Variants in GPM6B observed in about 807,000 individuals in gnomAD.
GPM6B encodes the protein glycoprotein M6B, also known as neuronal membrane glycoprotein M6-b.
GPM6B carries 4 observed loss-of-function variants against 27.2 expected under a neutral mutation model. That is an observed-to-expected ratio of 0.15 (90% confidence interval 0.07 to 0.34). GPM6B has a LOEUF of 0.34. Among genes scored for constraint, GPM6B ranks in the 10% least tolerant of loss-of-function variants. GPM6B has a pLI of 1.00. For synonymous variants in GPM6B, 124 were observed against 103.1 expected (o/e 1.20, Z -1.23); for missense variants, 183 against 261.9 (o/e 0.70, Z 2.08).
upstream of GPM6B, among the ~76,000 whole-genome samples, chrX:13,819,981 G>C (rs72614519): frequency 9.0e-6 from 1 of 111,715 alleles, no homozygotes; most frequent in South Asian, 3.7e-4. Context: ...AGAGGGTACT[G>C]TCAAAGGGTC....
chrX:13,842,949 A>G (rs1300108830), intron 1 of GPM6B, among the ~76,000 whole-genome samples: 1 of 111,391 alleles, frequency 9.0e-6, no homozygotes, highest in Non-Finnish European at 1.9e-5. Flanking sequence ...ATACCATACA[A>G]TTCACCATTT....
intron 1 of GPM6B, among the ~76,000 whole-genome samples, chrX:13,910,590 G>A (rs191982758): frequency 5.3e-5 from 6 of 113,051 alleles, no homozygotes; most frequent in East Asian, 2.8e-4. Context: ...GATTTACTTC[G>A]TCCTACAATC....
chrX:13,926,417 C>A (rs770692055), intron 1 of GPM6B, among the ~76,000 whole-genome samples: 318 of 17,417 alleles, frequency 0.018, 1 homozygote, highest in African/African-American at 0.068. Flanking sequence ...CTCAAAAAAA[C>A]AAACAAACAA....
intron 2 of GPM6B, among the ~76,000 whole-genome samples, chrX:13,786,354 CCG>C (rs1413467789): frequency 9.1e-4 from 102 of 112,087 alleles, no homozygotes; most frequent in Admixed American, 1.4e-3. Context: ...AGCAATTATG[CCG>C]TCGCCAGGTT....
intron 1 of GPM6B, 128 bp downstream of exon 1, chrX:13,816,716 T>C: frequency 1.2e-6 from 1 of 824,389 alleles, no homozygotes. Context: ...AAATCAACCC[T>C]GAAAGCAAGA....
At chrX:13,817,435 G>GC (rs2049258571), upstream of GPM6B, 1 of 616,323 alleles carries the variant, frequency 1.6e-6, no homozygotes, top group Non-Finnish European at 1.9e-6. Context: ...AAAGAAAAGA[G>GC]CCCCCTCCCA....
At chrX:13,779,198 T>G (rs2048470657) in intron 5 of GPM6B, among the ~76,000 whole-genome samples, 1 of 111,966 alleles carries the variant, frequency 8.9e-6, no homozygotes, top group Non-Finnish European at 1.9e-5. Flanking sequence ...AGTGGTCTCT[T>G]CTGGGGTTTG....
intron 2 of GPM6B, among the ~76,000 whole-genome samples, chrX:13,789,749 T>C (rs1367192194): frequency 9.2e-6 from 1 of 108,503 alleles, no homozygotes; most frequent in African/African-American, 3.3e-5. Context: ...CACTCCAGCC[T>C]GGGTGACAGA....
chrX:13,927,547 C>T (rs1337457888), intron 1 of GPM6B, among the ~76,000 whole-genome samples: 1 of 112,705 alleles, frequency 8.9e-6, no homozygotes, highest in African/African-American at 3.2e-5. Context: ...CATCCCAGGC[C>T]TTTGGGCCTT....
intron 2 of GPM6B, among the ~76,000 whole-genome samples, chrX:13,787,041 C>CAAAAAAAAAAAAAAAAAAAAA (rs869123073): frequency 1.2e-4 from 3 of 24,509 alleles, no homozygotes; most frequent in African/African-American, 2.0e-4. Flanking sequence ...ATTAAGCCAG[C>CAAAAAAAAAAAAAAAAAAAAA]AAAAAAAAAA....
intron 1 of GPM6B, among the ~76,000 whole-genome samples, chrX:13,836,747 C>T (rs770088093): frequency 2.8e-4 from 32 of 112,559 alleles, no homozygotes; most frequent in African/African-American, 9.7e-4. Flanking sequence ...GAACACACTA[C>T]GTGTGTACCT....
intron 1 of GPM6B, among the ~76,000 whole-genome samples, chrX:13,878,006 T>G (rs1428086682): frequency 9.1e-6 from 1 of 109,942 alleles, no homozygotes; most frequent in Non-Finnish European, 1.9e-5. Context: ...TTTCTTAATA[T>G]CATCCAAGAT....
At position 13,826,740 on chromosome X, in the gene GPM6B, G is replaced by GT. The variant is rs1158980391; in HGVS notation, c.-197-40933dup. Among the ~76,000 whole-genome samples, 5 of 109,210 alleles carry GT rather than the reference G, an allele frequency of 4.6e-5. No homozygotes were observed. The East Asian group carries it at 1.2e-3, about 25-fold the overall frequency. 94.8% of individuals were successfully genotyped at this position (109,210 alleles called of 115,157 possible). On this transcript the variant is annotated intron_variant, in intron 1 of 6. Coordinates refer to the GPM6B transcript ENST00000398361. ...GTGACAGAGTGAGACCCTGTTTTTT[G>GT]TTTTTTTGTTTTTTTTTTAAAGGAA...
chrX:13,823,528 T>G (rs1457926481), intron 1 of GPM6B, among the ~76,000 whole-genome samples: 1 of 108,732 alleles, frequency 9.2e-6, no homozygotes, highest in African/African-American at 3.4e-5. Flanking sequence ...TGGTTTTTTT[T>G]TTTTTTTTTT....
At chrX:13,798,257 C>T (rs1230415327) in intron 2 of GPM6B, among the ~76,000 whole-genome samples, 2 of 110,043 alleles carry the variant, frequency 1.8e-5, no homozygotes, top group East Asian at 2.9e-4. Flanking sequence ...CCACATTAAC[C>T]TGGGTGATGG....
chrX:13,777,851 C>G (rs2048442356), intron 5 of GPM6B, among the ~76,000 whole-genome samples: 1 of 111,927 alleles, frequency 8.9e-6, no homozygotes, highest in South Asian at 3.8e-4. Flanking sequence ...TGTCCAAGCT[C>G]TGTTACTGGT....
intron 1 of GPM6B, among the ~76,000 whole-genome samples, chrX:13,834,987 A>G (rs1279466185): frequency 5.4e-5 from 6 of 112,033 alleles, no homozygotes; most frequent in East Asian, 5.6e-4. Flanking sequence ...TCACTGGAGG[A>G]GCTAATGGGC....
chrX:13,812,545 G>A (rs2049157943), intron 1 of GPM6B, among the ~76,000 whole-genome samples: 1 of 111,506 alleles, frequency 9.0e-6, no homozygotes, highest in African/African-American at 3.3e-5. Context: ...GAGTGTCTTT[G>A]TAACAATCCA....
At chrX:13,860,364 G>T (rs2049829474) in intron 1 of GPM6B, among the ~76,000 whole-genome samples, 1 of 109,385 alleles carries the variant, frequency 9.1e-6, no homozygotes, top group Non-Finnish European at 1.9e-5. Flanking sequence ...TATGGTGAAA[G>T]ATTCAGTATA....
Sources: gnomAD v4.1 joint callset for allele counts (sites outside exome capture counted in the v4.1 genomes callset) on GRCh38, gnomAD v4.1.1 for gene constraint, MANE v1.5 for transcripts, NCBI Gene and HGNC (gene_info 2026-07-23, HGNC 2026-07-21) for gene names.